The following PTPRD variants were observed in gnomAD, a reference collection of about 807,000 sequenced individuals.
PTPRD encodes the protein receptor-type tyrosine-protein phosphatase delta.
PTPRD carries 34 observed loss-of-function variants against 214.5 expected under a neutral mutation model. The observed-to-expected ratio is 0.16, with a 90% CI of 0.12 to 0.21. The LOEUF (loss-of-function observed/expected upper bound fraction) is 0.21. Among genes scored for constraint, PTPRD ranks in the 10% least tolerant of loss-of-function variants. The probability of loss-of-function intolerance (pLI) is 1.00; values close to 1 mark genes in which losing one functional copy is unlikely to be tolerated. For synonymous variants in PTPRD, 1,128 were observed against 845.7 expected (o/e 1.33, Z -5.79); for missense variants, 2,545 against 2,398.7 (o/e 1.06, Z -1.27).
chr9:8,795,047 A>G (rs1298993750), intron 11 of PTPRD, among the ~76,000 whole-genome samples: 2 of 152,156 alleles, frequency 1.3e-5, no homozygotes, highest in Non-Finnish European at 2.9e-5. Context: ...TCTTAGCCTC[A>G]AAAATGGAAC....
At chr9:10,580,862 C>A (rs561169993) in intron 2 of PTPRD, among the ~76,000 whole-genome samples, 1 of 152,228 alleles carries the variant, frequency 6.6e-6, no homozygotes, top group African/African-American at 2.4e-5. Flanking sequence ...TACCATTAGA[C>A]ACACATAAAT....
intron 5 of PTPRD, among the ~76,000 whole-genome samples, chr9:9,905,016 A>G (rs1250142759): frequency 2.6e-5 from 4 of 152,042 alleles, no homozygotes; most frequent in Non-Finnish European, 5.9e-5. Flanking sequence ...CAAATCAGTG[A>G]GGCATATATT....
chr9:9,360,335 C>G (rs1469659501), intron 9 of PTPRD, among the ~76,000 whole-genome samples: 3 of 150,942 alleles, frequency 2.0e-5, no homozygotes, highest in East Asian at 2.0e-4. Context: ...TTAACAGAAG[C>G]AAATAATAGG....
chr9:8,976,772 A>G (rs2099270180), intron 11 of PTPRD, among the ~76,000 whole-genome samples: 1 of 152,122 alleles, frequency 6.6e-6, no homozygotes, highest in Non-Finnish European at 1.5e-5. Flanking sequence ...GAGTAACGTA[A>G]TTGGAGAGTA....
At chr9:9,343,362 T>C (rs1020173323) in intron 9 of PTPRD, among the ~76,000 whole-genome samples, 1 of 152,200 alleles carries the variant, frequency 6.6e-6, no homozygotes, top group East Asian at 1.9e-4. Context: ...GTGTTCCTAT[T>C]TCTCCACATC....
intron 4 of PTPRD, among the ~76,000 whole-genome samples, chr9:9,976,713 T>TG (rs1209089788): frequency 2.5e-5 from 3 of 122,096 alleles, no homozygotes; most frequent in Admixed American, 8.5e-5. Context: ...AAAAAAAAAA[T>TG]TTACTTTTTT....
intron 3 of PTPRD, among the ~76,000 whole-genome samples, chr9:10,037,142 C>T (rs549317449): frequency 2.6e-5 from 4 of 152,164 alleles, no homozygotes; most frequent in African/African-American, 9.6e-5. Flanking sequence ...CCTTCTGCCT[C>T]AGCCTCCCAA....
intron 2 of PTPRD, among the ~76,000 whole-genome samples, chr9:10,344,132 G>A (rs2097013488): frequency 6.6e-6 from 1 of 151,220 alleles, no homozygotes; most frequent in African/African-American, 2.4e-5. Context: ...GTATTGCCTA[G>A]GTTTTCTTCT....
chr9:9,769,487 G>A (rs183816764), intron 5 of PTPRD, among the ~76,000 whole-genome samples: 7 of 151,712 alleles, frequency 4.6e-5, no homozygotes, highest in Admixed American at 2.0e-4. Context: ...CACCACACCC[G>A]GCTAATTTTT....
At chr9:8,718,279 G>A (rs1318809108) in intron 12 of PTPRD, among the ~76,000 whole-genome samples, 1 of 152,190 alleles carries the variant, frequency 6.6e-6, no homozygotes, top group Non-Finnish European at 1.5e-5. Flanking sequence ...CAGTAGGGGT[G>A]TCAGATTCAT....
At chr9:9,491,781 T>G (rs2095910913) in intron 8 of PTPRD, among the ~76,000 whole-genome samples, 1 of 152,002 alleles carries the variant, frequency 6.6e-6, no homozygotes, top group Non-Finnish European at 1.5e-5. Flanking sequence ...CAGAAAAATT[T>G]ATGAACACCT....
chr9:9,165,109 A>G (rs1245136796), intron 10 of PTPRD, among the ~76,000 whole-genome samples: 1 of 152,042 alleles, frequency 6.6e-6, no homozygotes, highest in Non-Finnish European at 1.5e-5. Flanking sequence ...AAAAAAATTC[A>G]TTCAATAAAC....
chr9:8,450,487 A>AATATT lies in PTPRD; in HGVS notation c.3876-655_3876-651dup, dbSNP rs773865533. ...TAACAGTGTTAAGCTAACTGTGATT[A>AATATT]ATATTTTGTTAATGAAAGGTTCACA... On this transcript the variant is annotated intron_variant, in intron 33 of 45. Transcript: ENST00000381196. 1.6e-3 allele frequency among the ~76,000 whole-genome samples: 248 copies of AATATT among 152,328 alleles called. 1 individual carries two copies. The highest frequency in any genetic ancestry group is 3.0e-3 in the Non-Finnish European group (203 of 68,030).
intron 6 of PTPRD, among the ~76,000 whole-genome samples, chr9:9,756,605 A>G (rs564213555): frequency 6.6e-6 from 1 of 152,214 alleles, no homozygotes; most frequent in Non-Finnish European, 1.5e-5. Context: ...TGTTTAGTGG[A>G]TACAGAGTTT....
chr9:9,905,091 C>G (rs1410341046), intron 5 of PTPRD, among the ~76,000 whole-genome samples: 1 of 151,964 alleles, frequency 6.6e-6, no homozygotes, highest in Non-Finnish European at 1.5e-5. Flanking sequence ...TGAGAGCATA[C>G]CATCTAAGTA....
intron 11 of PTPRD, among the ~76,000 whole-genome samples, chr9:8,947,475 A>T (rs974183374): frequency 6.6e-6 from 1 of 151,604 alleles, no homozygotes; most frequent in Non-Finnish European, 1.5e-5. Flanking sequence ...AAAAAAAAAA[A>T]AAAAGAAAAA....
intron 27 of PTPRD, chr9:8,486,606 A>AT (rs1177945109): frequency 1.4e-5 from 9 of 628,516 alleles, no homozygotes; most frequent in African/African-American, 3.6e-5. Context: ...GCTTAAGGGG[A>AT]TTTTTTTGAC....
intron 7 of PTPRD, among the ~76,000 whole-genome samples, chr9:9,584,603 T>C (rs1356829691): frequency 6.6e-6 from 1 of 151,954 alleles, no homozygotes; most frequent in Non-Finnish European, 1.5e-5. Flanking sequence ...ACTTCGTTAT[T>C]CTACACTTTA....
At chr9:9,445,680 G>A (rs920108858) in intron 8 of PTPRD, among the ~76,000 whole-genome samples, 7 of 151,986 alleles carry the variant, frequency 4.6e-5, no homozygotes, top group Middle Eastern at 3.2e-3. Flanking sequence ...CGAGAACAGC[G>A]GCATGGGGTA....
Sources: gnomAD v4.1 joint callset for allele counts (sites outside exome capture counted in the v4.1 genomes callset) on GRCh38, gnomAD v4.1.1 for gene constraint, MANE v1.5 for transcripts, NCBI Gene and HGNC (gene_info 2026-07-23, HGNC 2026-07-21) for gene names.